The following SIPA1L1 variants were observed in gnomAD, a reference collection of about 807,000 sequenced individuals.
The protein encoded by SIPA1L1 is signal induced proliferation associated 1 like 1.
A neutral mutation model predicts 162.7 loss-of-function variants in SIPA1L1; 26 were observed. That is an observed-to-expected ratio of 0.16 (90% CI 0.12 to 0.22). The LOEUF (loss-of-function observed/expected upper bound fraction) is 0.22. Ranked by LOEUF, SIPA1L1 falls within the 10% of genes least tolerant of loss-of-function variation. The pLI, the probability that SIPA1L1 is intolerant of heterozygous loss-of-function variation, is 1.00. For missense variants in SIPA1L1, 1,874 were observed against 2,241.0 expected, an observed-to-expected ratio of 0.84 and a Z score of 3.31; for synonymous variants, 829 against 837.4, an observed-to-expected ratio of 0.99 and a Z score of 0.17.
At chr14:71,616,253 A>G (rs1337229088) in intron 5 of SIPA1L1, among the ~76,000 whole-genome samples, 2 of 152,172 alleles carry the variant, frequency 1.3e-5, no homozygotes, top group Admixed American at 1.3e-4. Context: ...GTGATCATCT[A>G]TGCTAGATGT....
chr14:71,526,271 C>T (rs1025639412), intron 3 of SIPA1L1, among the ~76,000 whole-genome samples: 1 of 152,112 alleles, frequency 6.6e-6, no homozygotes, highest in African/African-American at 2.4e-5. Context: ...TGAACATAGT[C>T]GTGAAACTAC....
intron 2 of SIPA1L1, among the ~76,000 whole-genome samples, chr14:71,495,582 C>G (rs2049682484): frequency 1.3e-5 from 2 of 151,218 alleles, no homozygotes; most frequent in African/African-American, 4.8e-5. Context: ...TTCAAAGAAC[C>G]AGCTTTTGGT....
chr14:71,471,150 G>GT (rs1242593865), intron 2 of SIPA1L1, among the ~76,000 whole-genome samples: 2 of 151,258 alleles, frequency 1.3e-5, no homozygotes, highest in Admixed American at 6.6e-5. Flanking sequence ...GGCCTCAGAG[G>GT]TTTTTTTAGG....
At chr14:71,637,286 G>A (rs1420317817) in intron 7 of SIPA1L1, among the ~76,000 whole-genome samples, 1 of 151,990 alleles carries the variant, frequency 6.6e-6, no homozygotes, top group African/African-American at 2.4e-5. Flanking sequence ...GCAGTCAACT[G>A]TGCTCTAAAA....
At chr14:71,621,121 A>G (rs145380386) in intron 6 of SIPA1L1, among the ~76,000 whole-genome samples, 2 of 152,086 alleles carry the variant, frequency 1.3e-5, no homozygotes, top group African/African-American at 2.4e-5. Context: ...GAGCTCAACT[A>G]CTTCTCCCAC....
rs376163457 is a variant in SIPA1L1, at chr14:71,377,135, C to A, written c.-465+55954C>A. 9.4e-5 allele frequency among the ~76,000 whole-genome samples: 14 copies of A among 148,340 alleles called. No individual in the cohort carries two copies. Among genetic ancestry groups the A allele is most frequent in the East Asian group, 8.2e-4 (4 of 4,872 alleles). ...CGGGCAGAGGGGCCCCCCCACCCCC[C>A]AGATGGGGCGGCCAGGCAGAGGCAG... On this transcript the variant is annotated intron_variant, in intron 2 of 23. Transcript: ENST00000381232. The surrounding 1 kb of genome is among the most constrained non-coding windows in gnomAD (Gnocchi z 4.8).
chr14:71,694,675 C>A (rs192730392), intron 13 of SIPA1L1, among the ~76,000 whole-genome samples: 57 of 152,280 alleles, frequency 3.7e-4, no homozygotes, highest in Admixed American at 3.6e-3. Flanking sequence ...CCAGAGCATT[C>A]TTTAAAAAGA....
At chr14:71,628,102 T>C (rs1287709427) in intron 7 of SIPA1L1, among the ~76,000 whole-genome samples, 1 of 152,122 alleles carries the variant, frequency 6.6e-6, no homozygotes, top group African/African-American at 2.4e-5. Flanking sequence ...CTGGGCAACA[T>C]AATGAGACCC....
intron 2 of SIPA1L1, among the ~76,000 whole-genome samples, chr14:71,348,707 A>G (rs1000178016): frequency 6.6e-6 from 1 of 152,242 alleles, no homozygotes; most frequent in Non-Finnish European, 1.5e-5. Context: ...AAAGAGGCTA[A>G]ACCCACTGTT....
Position 71,729,447 on chromosome 14 carries a change from A to G in SIPA1L1, c.4615-608A>G, listed in dbSNP as rs72729986. Among the ~76,000 whole-genome samples, 839 of 152,338 alleles carry G rather than the reference A, an allele frequency of 5.5e-3. 7 individuals are homozygous for G. The highest frequency in any genetic ancestry group is 9.7e-3 in the Non-Finnish European group (662 of 68,024). ...TTCAGTTGGTGTAAGTTAGTAGTTA[A>G]TCAAGAGCTACCTGCTATGTGAGTT... On this transcript the variant is annotated intron_variant, in intron 19 of 23. Transcript: ENST00000381232.
chr14:71,713,161 T>C (rs2083004398), intron 17 of SIPA1L1, among the ~76,000 whole-genome samples: 1 of 152,180 alleles, frequency 6.6e-6, no homozygotes, highest in Non-Finnish European at 1.5e-5. Context: ...TAGAGGTCAA[T>C]CTGGGCAACA....
At chr14:71,453,497 G>A (rs1204473196) in intron 2 of SIPA1L1, among the ~76,000 whole-genome samples, 1 of 152,112 alleles carries the variant, frequency 6.6e-6, no homozygotes, top group East Asian at 1.9e-4. Context: ...ACTTTGAAAA[G>A]AATCTCACTC....
At chr14:71,724,606 C>T (rs901331915) in intron 18 of SIPA1L1, 64 bp from the exon 19 acceptor site, 12 of 1,319,472 alleles carry the variant, frequency 9.1e-6, no homozygotes, top group Middle Eastern at 2.2e-4. Flanking sequence ...CCTTTAGAGC[C>T]CATCATGCCC....
chr14:71,568,315 A>G (rs1195060962), intron 4 of SIPA1L1, among the ~76,000 whole-genome samples: 1 of 152,138 alleles, frequency 6.6e-6, no homozygotes, highest in Non-Finnish European at 1.5e-5. Flanking sequence ...CATCTTTTGT[A>G]ACTTCTTCAG....
Position 71,699,045 on chromosome 14 carries a change from C to G in SIPA1L1, c.3439C>G (p.Arg1147Gly). ...SSMALARSQC[R>G]NSPSNLSSSS... is the part of the protein sequence containing the mutation. ...CATGGCTTTAGCAAGATCCCAGTGTCGGAACTCTCCTAGCAACTTGTCTTC... is the reference window on the plus strand; with the variant it reads ...CATGGCTTTAGCAAGATCCCAGTGTGGGAACTCTCCTAGCAACTTGTCTTC... The change falls in exon 14 of 24, where the codon CGG (arginine) becomes GGG (glycine). Residue 1147 changes from arginine to glycine, a missense_variant. Transcript: ENST00000381232. 6.2e-7 allele frequency: 1 copy of G among 1,614,162 alleles called. No homozygotes were observed. The highest frequency in any genetic ancestry group is 8.5e-7 in the Non-Finnish European group (1 of 1,179,984).
chr14:71,587,487 T>C lies in SIPA1L1; in HGVS notation c.-302-84T>C, dbSNP rs2034768504. On this transcript the variant is annotated intron_variant, in intron 4 of 23. Transcript: ENST00000381232. ...TCCTAATCCATTATTGAGTCTTTTA[T>C]CTTCATGTGTCTGGTTTTGACAATT... The C allele has an allele frequency of 7.5e-6, 3 of 401,458 alleles. No homozygotes were observed. In the East Asian group the frequency reaches 1.1e-4, roughly 14 times the overall value. The allele number at this position is 401,458 out of a possible 1,614,324, so 24.9% of individuals were successfully genotyped here.
At chr14:71,482,607 A>G (rs1439713871) in intron 2 of SIPA1L1, among the ~76,000 whole-genome samples, 1 of 152,208 alleles carries the variant, frequency 6.6e-6, no homozygotes, top group Non-Finnish European at 1.5e-5. Context: ...GACCAAATCC[A>G]AAGAAAGACT....
intron 17 of SIPA1L1, 74 bp from the exon 18 acceptor site, chr14:71,723,573 G>A (rs1284450704): frequency 1.7e-5 from 26 of 1,561,962 alleles, no homozygotes; most frequent in East Asian, 2.3e-5. Flanking sequence ...GCCATCACCC[G>A]TACCCCGGAC....
intron 2 of SIPA1L1, among the ~76,000 whole-genome samples, chr14:71,430,703 G>A (rs189516851): frequency 2.6e-5 from 4 of 152,308 alleles, no homozygotes; most frequent in African/African-American, 7.2e-5. Flanking sequence ...ATCTTTCTCA[G>A]TTGTGGGATC....
Sources: allele counts gnomAD v4.1 joint callset (sites outside exome capture counted in the v4.1 genomes callset), GRCh38; gene constraint gnomAD v4.1.1; non-coding constraint Gnocchi (gnomAD v3.1); transcripts MANE v1.5; gene names NCBI Gene and HGNC (gene_info 2026-07-23, HGNC 2026-07-21).